GABPB1: variants seen among roughly 807,000 people sequenced by gnomAD.
GABPB1 encodes GA binding protein transcription factor subunit beta 1, also known as GA-binding protein subunit beta-1.
A neutral mutation model predicts 45.9 loss-of-function variants in GABPB1; 15 were observed. That is an observed-to-expected ratio of 0.33 (90% CI 0.22 to 0.50). GABPB1 has a LOEUF of 0.50. GABPB1 is among the 20% of genes least tolerant of loss of function. The pLI, the probability that GABPB1 is intolerant of heterozygous loss-of-function variation, is 0.98. For synonymous variants in GABPB1, 143 were observed against 154.4 expected (o/e 0.93, Z 0.55); for missense variants, 252 against 457.5 (o/e 0.55, Z 4.10).
At chr15:50,291,218 C>A (rs1014449262) in intron 6 of GABPB1, among the ~76,000 whole-genome samples, 1 of 152,122 alleles carries the variant, frequency 6.6e-6, no homozygotes, top group Admixed American at 6.6e-5. Context: ...TGTGATAATT[C>A]CTCAAACTGT....
intron 2 of GABPB1, among the ~76,000 whole-genome samples, chr15:50,305,970 G>GTT (rs910098056): frequency 2.7e-5 from 4 of 150,902 alleles, no homozygotes; most frequent in African/African-American, 9.7e-5. Flanking sequence ...AGCTTTTTGG[G>GTT]TTTTTTTTTA....
intron 1 of GABPB1, among the ~76,000 whole-genome samples, chr15:50,330,827 T>C (rs1334280722): frequency 6.6e-6 from 1 of 152,240 alleles, no homozygotes; most frequent in Non-Finnish European, 1.5e-5. Flanking sequence ...AAAGAGCTTA[T>C]GTTCTGGGAT....
intron 8 of GABPB1, among the ~76,000 whole-genome samples, chr15:50,282,560 G>GAAAAAAAAAAAAAAAAAA (rs552203074): frequency 0.015 from 1,314 of 88,772 alleles, 252 homozygotes; most frequent in Admixed American, 0.018. Context: ...CCTTAAAAAA[G>GAAAAAAAAAAAAAAAAAA]AAAAAAAAAA....
In GABPB1 at chr15:50,278,558, A is replaced by G. The variant is rs956676941; in HGVS notation, c.*74T>C. The G allele has an allele frequency of 4.1e-6, 5 of 1,224,022 alleles. No individual in the cohort carries two copies. The African/African-American group carries it at 7.6e-5, about 19-fold the overall frequency. The allele number at this position is 1,224,022 out of a possible 1,614,324, so 75.8% of individuals were successfully genotyped here. ...TATCATTCTGTATTCCCATGGCTGT[A>G]CCTTTGTTGTGTACAGTTCAAGATT... On this transcript the variant is annotated 3_prime_UTR_variant, in exon 9 of 9. Coordinates refer to ENST00000380877, the MANE Select transcript of GABPB1 (RefSeq NM_016654.5).
At chr15:50,352,990 A>C (rs1220603291) in intron 1 of GABPB1, 11 of 152,220 alleles carry the variant, frequency 7.2e-5, no homozygotes, top group African/African-American at 2.4e-4. Context: ...GTTTCACCAA[A>C]GGATTCACTG....
chr15:50,344,752 C>T (rs570104091), intron 1 of GABPB1, among the ~76,000 whole-genome samples: 3 of 152,192 alleles, frequency 2.0e-5, no homozygotes, highest in South Asian at 4.1e-4. Context: ...GCAGGACAAT[C>T]GCTTGAACCT....
intron 1 of GABPB1, among the ~76,000 whole-genome samples, chr15:50,334,164 G>A (rs766739081): frequency 6.6e-6 from 1 of 152,092 alleles, no homozygotes; most frequent in African/African-American, 2.4e-5. Context: ...GTTTAGGTGT[G>A]GACTTACTAT....
At chr15:50,353,721 A>G (rs2048953329) in intron 1 of GABPB1, 1 of 151,852 alleles carries the variant, frequency 6.6e-6, no homozygotes, top group Non-Finnish European at 1.5e-5. Context: ...GGGTCTTTAC[A>G]TGAGATAAAC....
intron 1 of GABPB1, among the ~76,000 whole-genome samples, chr15:50,316,353 G>C (rs2047327695): frequency 6.6e-6 from 1 of 152,130 alleles, no homozygotes; most frequent in Non-Finnish European, 1.5e-5. Context: ...GAGGATTATG[G>C]CATGTACTAG....
At chr15:50,303,531 A>C (rs527991760) in intron 3 of GABPB1, among the ~76,000 whole-genome samples, 2 of 152,184 alleles carry the variant, frequency 1.3e-5, no homozygotes, top group African/African-American at 4.8e-5. Flanking sequence ...AAAATACAAA[A>C]ATTAGCTGGG....
At chr15:50,334,246 G>C (rs1417347238) in intron 1 of GABPB1, among the ~76,000 whole-genome samples, 1 of 151,912 alleles carries the variant, frequency 6.6e-6, no homozygotes, top group African/African-American at 2.4e-5. Flanking sequence ...GAAAATATCA[G>C]CCATCATCTC....
At chr15:50,296,220 A>C (rs1441472394) in intron 6 of GABPB1, among the ~76,000 whole-genome samples, 1 of 152,196 alleles carries the variant, frequency 6.6e-6, no homozygotes, top group African/African-American at 2.4e-5. Flanking sequence ...TGTGTATTGT[A>C]CCACTTAGCT....
intron 8 of GABPB1, among the ~76,000 whole-genome samples, chr15:50,282,984 G>A (rs534653292): frequency 6.6e-6 from 1 of 152,296 alleles, no homozygotes; most frequent in Admixed American, 6.5e-5. Flanking sequence ...GAACCTAGGA[G>A]GCGGAGGTTG....
At chr15:50,330,977 G>A (rs2047929385) in intron 1 of GABPB1, among the ~76,000 whole-genome samples, 1 of 152,190 alleles carries the variant, frequency 6.6e-6, no homozygotes, top group African/African-American at 2.4e-5. Context: ...TTTGGAGAAA[G>A]TGATTACAAA....
At chr15:50,306,642 A>AAT (rs2046959854) in intron 2 of GABPB1, among the ~76,000 whole-genome samples, 1 of 151,850 alleles carries the variant, frequency 6.6e-6, no homozygotes, top group Non-Finnish European at 1.5e-5. Context: ...AAAAAAAAAA[A>AAT]AAATCTTCCC....
chr15:50,348,309 C>T (rs1179476625), intron 1 of GABPB1, among the ~76,000 whole-genome samples: 1 of 152,114 alleles, frequency 6.6e-6, no homozygotes, highest in Admixed American at 6.5e-5. Context: ...GGCTGCAGTA[C>T]AGTGGCACAA....
chr15:50,346,255 A>C (rs2048574870), intron 1 of GABPB1: 1 of 152,232 alleles, frequency 6.6e-6, no homozygotes, highest in Non-Finnish European at 1.5e-5. Context: ...AGGAAGAAGG[A>C]ATATGAGACA....
At chr15:50,302,896 C>T (rs775842911) in intron 4 of GABPB1, 33 bp downstream of exon 4, 3 of 1,432,526 alleles carry the variant, frequency 2.1e-6, no homozygotes, top group Admixed American at 3.9e-5. Context: ...GCTTCTTTTT[C>T]TTTATTTTCT....
Position 50,276,136 on chromosome 15 carries a change from C to G in GABPB1, c.*2496G>C, listed in dbSNP as rs2045836292. On this transcript the variant is annotated 3_prime_UTR_variant, in exon 9 of 9. Coordinates refer to ENST00000380877, the MANE Select transcript of GABPB1 (RefSeq NM_016654.5). ...TTCACACATATGTGGAAACAATTAA[C>G]CAGTGATGTGGCAACCAGATGACTG... is the stretch of plus-strand genomic sequence containing the variant. The G allele has an allele frequency of 6.6e-6, 1 of 152,206 alleles. No homozygotes were observed. The highest frequency in any genetic ancestry group is 1.5e-5 in the Non-Finnish European group (1 of 68,026). 9.4% of individuals were successfully genotyped at this position (152,206 alleles called of 1,614,324 possible).
Sources: gnomAD v4.1 joint callset for allele counts (sites outside exome capture counted in the v4.1 genomes callset) on GRCh38, gnomAD v4.1.1 for gene constraint, MANE v1.5 for transcripts, NCBI Gene and HGNC (gene_info 2026-07-23, HGNC 2026-07-21) for gene names.